CACNB2: variants seen among roughly 807,000 people sequenced by gnomAD.
CACNB2 encodes the protein voltage-dependent L-type calcium channel subunit beta-2.
Under a neutral mutation model 73.3 loss-of-function variants are expected in CACNB2, and 42 were observed. The ratio of observed to expected loss-of-function variants is 0.57; its 90% CI spans 0.45 to 0.74. The LOEUF (loss-of-function observed/expected upper bound fraction) is 0.74. Ranked by LOEUF, CACNB2 falls within the 30% of genes least tolerant of loss-of-function variation. CACNB2 has a pLI of 0.00. For missense variants in CACNB2, 940 were observed against 853.0 expected (o/e 1.10, Z -1.27); for synonymous variants, 348 against 310.3 (o/e 1.12, Z -1.28).
intron 2 of CACNB2, among the ~76,000 whole-genome samples, chr10:18,356,041 C>T (rs550646085): frequency 2.6e-5 from 4 of 152,298 alleles, no homozygotes; most frequent in Non-Finnish European, 4.4e-5. Flanking sequence ...GATTGCTCCA[C>T]GGAGACTCTG....
intron 2 of CACNB2, among the ~76,000 whole-genome samples, chr10:18,372,805 T>G (rs1195180059): frequency 6.6e-6 from 1 of 152,170 alleles, no homozygotes; most frequent in Non-Finnish European, 1.5e-5. Context: ...TCATCTTAAG[T>G]TGCTTTGTAA....
intron 3 of CACNB2, among the ~76,000 whole-genome samples, chr10:18,423,448 T>C (rs1392332792): frequency 6.6e-6 from 1 of 152,216 alleles, no homozygotes; most frequent in East Asian, 1.9e-4. Context: ...GCCAAGTTCC[T>C]GACTAGCAGT....
chr10:18,312,515 T>G (rs2039999660), intron 2 of CACNB2, among the ~76,000 whole-genome samples: 2 of 152,206 alleles, frequency 1.3e-5, no homozygotes, highest in South Asian at 4.1e-4. Flanking sequence ...GAATAAATCC[T>G]TGTCGATGAC....
chr10:18,485,781 C>T (rs2049026056), intron 3 of CACNB2, among the ~76,000 whole-genome samples: 1 of 151,786 alleles, frequency 6.6e-6, no homozygotes, highest in African/African-American at 2.4e-5. Context: ...TAGGTTTTCA[C>T]CATGTTGGCC....
chr10:18,193,283 A>G (rs1448113290), intron 2 of CACNB2, among the ~76,000 whole-genome samples: 2 of 109,488 alleles, frequency 1.8e-5, no homozygotes, highest in Non-Finnish European at 3.9e-5. Context: ...TTTTTTTTTT[A>G]CAGTGATTGA....
At chr10:18,246,970 T>A (rs2036885674) in intron 2 of CACNB2, among the ~76,000 whole-genome samples, 1 of 152,152 alleles carries the variant, frequency 6.6e-6, no homozygotes, top group Admixed American at 6.5e-5. Flanking sequence ...TTTGCCTGCC[T>A]TGCATACCCC....
At chr10:18,497,256 A>G (rs952906467) in intron 3 of CACNB2, among the ~76,000 whole-genome samples, 5 of 151,746 alleles carry the variant, frequency 3.3e-5, no homozygotes, top group African/African-American at 9.7e-5. Flanking sequence ...AAAGAAATAT[A>G]TAGAAGCAAT....
At chr10:18,459,890 C>T (rs904302444) in intron 3 of CACNB2, among the ~76,000 whole-genome samples, 3 of 152,022 alleles carry the variant, frequency 2.0e-5, no homozygotes, top group African/African-American at 4.8e-5. Flanking sequence ...CTCAGCTACT[C>T]GGGAGGCTGA....
chr10:18,530,119 C>CA (rs2133246746), intron 10 of CACNB2, among the ~76,000 whole-genome samples: 3 of 152,264 alleles, frequency 2.0e-5, no homozygotes, highest in African/African-American at 7.2e-5. Context: ...AATTACCCCC[C>CA]ACCAGGTCCC....
At chr10:18,536,588 ACAGT>A (rs1232330918) in intron 12 of CACNB2, among the ~76,000 whole-genome samples, 1 of 152,110 alleles carries the variant, frequency 6.6e-6, no homozygotes, top group Non-Finnish European at 1.5e-5. Context: ...TTTGAAAAAA[ACAGT>A]CAAACACCTG....
In CACNB2 at chr10:18,507,050, T is replaced by C. The variant is rs142217335; in HGVS notation, c.670+503T>C. On this transcript the variant is annotated intron_variant, in intron 6 of 13. Transcript: ENST00000324631. ...CTGAGTTCAAGCGATCCACCTGCCTTAGGCTCCCAAAGTGCTGGGTTTACA... is the reference window on the plus strand; with the variant it reads ...CTGAGTTCAAGCGATCCACCTGCCTCAGGCTCCCAAAGTGCTGGGTTTACA... 4.1e-3 allele frequency among the ~76,000 whole-genome samples: 620 copies of C among 152,280 alleles called. 2 individuals are homozygous for C. The highest frequency in any genetic ancestry group is 0.014 in the African/African-American group (583 of 41,554).
At chr10:18,213,912 A>G (rs1042210887) in intron 2 of CACNB2, among the ~76,000 whole-genome samples, 3 of 152,242 alleles carry the variant, frequency 2.0e-5, no homozygotes, top group African/African-American at 7.2e-5. Context: ...ATAGTATCTG[A>G]TCAGTATACG....
intron 6 of CACNB2, among the ~76,000 whole-genome samples, chr10:18,510,182 T>A (rs1428117393): frequency 6.6e-6 from 1 of 152,228 alleles, no homozygotes; most frequent in African/African-American, 2.4e-5. Context: ...TAGAAAGTTC[T>A]CAATTTGGGA....
chr10:18,539,190 T>C, intron 13 of CACNB2, 40 bp from the exon 14 acceptor site: 1 of 1,613,468 alleles, frequency 6.2e-7, no homozygotes, highest in Non-Finnish European at 8.5e-7. Flanking sequence ...CTTTACACAC[T>C]GACCTTGGTT....
At chr10:18,282,924 A>G (rs895058395) in intron 2 of CACNB2, among the ~76,000 whole-genome samples, 5 of 152,248 alleles carry the variant, frequency 3.3e-5, no homozygotes, top group Admixed American at 3.3e-4. Flanking sequence ...TACCCATCTG[A>G]CAAAGGGCTA....
At chr10:18,398,317 G>A (rs2043816063) in intron 2 of CACNB2, among the ~76,000 whole-genome samples, 1 of 152,112 alleles carries the variant, frequency 6.6e-6, no homozygotes, top group Non-Finnish European at 1.5e-5. Context: ...AGACTTTCAG[G>A]GGATCGTTAT....
intron 2 of CACNB2, chr10:18,401,233 G>C (rs1329175813): frequency 4.7e-6 from 5 of 1,073,626 alleles, no homozygotes; most frequent in Non-Finnish European, 6.9e-6. Context: ...GGAAGCTAGG[G>C]AGATTCCTCT....
intron 2 of CACNB2, among the ~76,000 whole-genome samples, chr10:18,328,509 A>G (rs1045457961): frequency 6.6e-6 from 1 of 152,290 alleles, no homozygotes; most frequent in Admixed American, 6.5e-5. Context: ...AAGTATAACC[A>G]CTATTATACT....
chr10:18,151,062 T>G lies in CACNB2; in HGVS notation c.213+87T>G, dbSNP rs927114456. The G allele has an allele frequency of 1.1e-5, 9 of 850,510 alleles. No homozygotes were observed. In the African/African-American group the frequency reaches 1.3e-4, roughly 13 times the overall value. The allele number at this position is 850,510 out of a possible 1,614,324, so 52.7% of individuals were successfully genotyped here. On this transcript the variant is annotated intron_variant, in intron 2 of 13. Transcript: ENST00000324631. ...TGGGTTTCACTCTTTTCCTTAAGATTTATGTAGTATGATTGTACTTACTTT... is the reference window on the plus strand; with the variant it reads ...TGGGTTTCACTCTTTTCCTTAAGATGTATGTAGTATGATTGTACTTACTTT...
Sources: allele counts gnomAD v4.1 joint callset (sites outside exome capture counted in the v4.1 genomes callset), GRCh38; gene constraint gnomAD v4.1.1; transcripts MANE v1.5; gene names NCBI Gene and HGNC (gene_info 2026-07-23, HGNC 2026-07-21).